The following MLXIP variants were observed in gnomAD, a reference collection of about 807,000 sequenced individuals.
MLXIP encodes the protein MLX interacting protein, also known as MLX-interacting protein.
Under a neutral mutation model 87.2 loss-of-function variants are expected in MLXIP, and 30 were observed. That is an observed-to-expected ratio of 0.34 (90% CI 0.26 to 0.47). The LOEUF is 0.47. Among genes scored for constraint, MLXIP ranks in the 20% least tolerant of loss-of-function variants. MLXIP has a pLI of 1.00. For missense variants in MLXIP, 1,002 were observed against 1,240.1 expected, an observed-to-expected ratio of 0.81 and a Z score of 2.88; for synonymous variants, 530 against 514.0, an observed-to-expected ratio of 1.03 and a Z score of -0.42.
chr12:122,123,420 C>T lies in MLXIP; in HGVS notation c.414-3836C>T, dbSNP rs145526637. On this transcript the variant is annotated intron_variant, in intron 1 of 16. Coordinates refer to ENST00000319080, the MANE Select transcript of MLXIP (RefSeq NM_014938.6). ...GATATTACCGAAACTCGGGGTGGAA[C>T]GGTGATCCCAGTTGGGAGTTCTGGT... Among the ~76,000 whole-genome samples, 725 of 152,214 alleles carry T rather than the reference C, an allele frequency of 4.8e-3. 5 individuals are homozygous for T. Among genetic ancestry groups the T allele is most frequent in the African/African-American group, 0.017 (704 of 41,542 alleles).
chr12:122,135,397 C>A lies in MLXIP; in HGVS notation c.1854+52C>A. 6.2e-7 allele frequency: 1 copy of A among 1,600,852 alleles called. No individual in the cohort carries two copies. The highest frequency in any genetic ancestry group is 1.1e-5 in the South Asian group (1 of 89,116). On this transcript the variant is annotated intron_variant, in intron 10 of 16. Transcript: ENST00000319080. The surrounding 1 kb of genome is among the most constrained non-coding windows in gnomAD (Gnocchi z 5.3). The stretch of plus-strand genomic sequence containing the variant: ...AGTGTCCTTCTCACCCCGGAGCACT[C>A]TGATCTTGGGCGGCCCTCACCTGAG...
chr12:122,128,038 C>A, intron 3 of MLXIP, 70 bp downstream of exon 3: 3 of 1,346,652 alleles, frequency 2.2e-6, no homozygotes, highest in South Asian at 1.2e-5. Context: ...TGGCTCACCG[C>A]GGGCTGGTCC....
rs1488098783 is a variant in MLXIP, at chr12:122,135,594, C to T, written c.1960C>T (p.Gln654Ter). ...CTCCCGGCTCTTCCCAAGCACAGCGCAAGACCCCCTGGGGAAGGGCGAGCA... is the reference window on the plus strand; with the variant it reads ...CTCCCGGCTCTTCCCAAGCACAGCGTAAGACCCCCTGGGGAAGGGCGAGCA... The part of the protein sequence containing the change: ...PVSRLFPSTA[Q>*]DPLGKGEQVP... Residue 654 changes from glutamine (Q) to a stop codon, truncating the protein, a stop_gained, in exon 11 of 17, where the codon CAA becomes TAA. Coordinates refer to ENST00000319080, the MANE Select transcript of MLXIP (RefSeq NM_014938.6). LOFTEE classifies it high-confidence loss of function. The surrounding 1 kb of genome is among the most constrained non-coding windows in gnomAD (Gnocchi z 5.3). 1 of 1,587,600 alleles carries T rather than the reference C, an allele frequency of 6.3e-7. No homozygotes were observed. The highest frequency in any genetic ancestry group is 8.6e-7 in the Non-Finnish European group (1 of 1,168,224).
At position 122,078,833 on chromosome 12, in the gene MLXIP, GC is replaced by G. The variant is rs1176167584; in HGVS notation, c.-16del. 1.3e-5 allele frequency: 14 copies of G among 1,055,286 alleles called. No homozygotes were observed. The highest frequency in any genetic ancestry group is 4.2e-5 in the South Asian group (1 of 24,066). 65.4% of individuals were successfully genotyped at this position (1,055,286 alleles called of 1,614,324 possible). On this transcript the variant is annotated 5_prime_UTR_variant, in exon 1 of 17. Transcript: ENST00000319080. ...CGCGTTGCCCCGGGCTCCGGGGGATGCCCCCGGCCGAGCCCTTCTCATGGCC... is the reference window on the plus strand; with the variant it reads ...CGCGTTGCCCCGGGCTCCGGGGGATGCCCCGGCCGAGCCCTTCTCATGGCC...
chr12:122,097,852 T>G (rs373281699), intron 1 of MLXIP, among the ~76,000 whole-genome samples: 8 of 151,004 alleles, frequency 5.3e-5, no homozygotes, highest in South Asian at 2.1e-4. Flanking sequence ...GGGTTCCCCC[T>G]CCCCACAAGA....
chr12:122,113,435 T>G (rs943446809), intron 1 of MLXIP, among the ~76,000 whole-genome samples: 3 of 151,172 alleles, frequency 2.0e-5, no homozygotes, highest in African/African-American at 7.3e-5. Context: ...ACCTGGCTAA[T>G]TTTTGTATCT....
At chr12:122,090,504 A>AAAAC (rs1952230528) in intron 1 of MLXIP, among the ~76,000 whole-genome samples, 1 of 152,092 alleles carries the variant, frequency 6.6e-6, no homozygotes, top group East Asian at 1.9e-4. Flanking sequence ...CTCAAAAAAA[A>AAAAC]AAAACAAAAC....
rs1953122568 is a variant in MLXIP at position 122,137,885 on chromosome 12, C to T, written c.2154+295C>T. On this transcript the variant is annotated intron_variant, in intron 12 of 16. Coordinates refer to ENST00000319080, the MANE Select transcript of MLXIP (RefSeq NM_014938.6). This position sits in a 1 kb window ranked among gnomAD's most constrained non-coding sequence, Gnocchi z 4.1. Reference sequence around the variant, plus strand: ...GTTGCAGGAGGGGTGTGGCCACCACCAGAGCTGTGCTGTGGGGAGGAGGCA... The same window carrying T: ...GTTGCAGGAGGGGTGTGGCCACCACTAGAGCTGTGCTGTGGGGAGGAGGCA... Among the ~76,000 whole-genome samples the T allele has an allele frequency of 6.6e-6, 1 of 152,218 alleles. No homozygotes were observed. The highest frequency in any genetic ancestry group is 1.5e-5 in the Non-Finnish European group (1 of 68,034).
intron 1 of MLXIP, among the ~76,000 whole-genome samples, chr12:122,097,115 G>C (rs1393875445): frequency 2.0e-5 from 3 of 152,222 alleles, no homozygotes; most frequent in African/African-American, 7.2e-5. Flanking sequence ...TGCATTGTCA[G>C]AAGAGTGCTC....
chr12:122,098,368 A>G (rs1186783039), intron 1 of MLXIP, among the ~76,000 whole-genome samples: 2 of 152,128 alleles, frequency 1.3e-5, no homozygotes, highest in African/African-American at 4.8e-5. Flanking sequence ...CCGCTGAGCA[A>G]CTCAGATTGA....
Position 122,133,846 on chromosome 12 carries a change from C to A in MLXIP, c.1591C>A (p.Pro531Thr). The change falls in exon 9 of 17, where the codon CCT becomes ACT. Residue 531 changes from proline to threonine, a missense_variant. This residue lies in a region of MLXIP where 746 missense variants were observed against 897.0 expected (regional missense o/e 0.83). Transcript: ENST00000319080. This position sits in a 1 kb window ranked among gnomAD's most constrained non-coding sequence, Gnocchi z 4.9. ...GCTGGCACTGTCTCCTGTCACCCGG[C>A]CTCCCCAGCCACGGTTAACTTTTGT... The part of the protein sequence containing the change: ...CGLALSPVTR[P>T]PQPRLTFVHP... 6.2e-7 allele frequency: 1 copy of A among 1,612,952 alleles called. No homozygotes were observed. Among genetic ancestry groups the A allele is most frequent in the East Asian group, 2.2e-5 (1 of 44,842 alleles).
At position 122,133,582 on chromosome 12, in the gene MLXIP, C is replaced by G; in HGVS notation, c.1327C>G (p.Pro443Ala). 1 of 1,606,790 alleles carries G rather than the reference C, an allele frequency of 6.2e-7. No homozygotes were observed. The highest frequency in any genetic ancestry group is 8.5e-7 in the Non-Finnish European group (1 of 1,176,890). Residue 443 changes from proline (P) to alanine (A), a missense_variant, in exon 9 of 17, where the codon CCA (proline) becomes GCA (alanine). Physicochemically the swap from Pro to Ala is conservative, Grantham distance 27. This residue lies in a region of MLXIP where 746 missense variants were observed against 897.0 expected (regional missense o/e 0.83). Coordinates refer to ENST00000319080, the MANE Select transcript of MLXIP (RefSeq NM_014938.6). This position sits in a 1 kb window ranked among gnomAD's most constrained non-coding sequence, Gnocchi z 4.9. ...GCCCCTGCTGTCTCCCAGCCCCGCC[C>G]CACCGCCCATCTCCCCCGTGTTACC... ...TMPLLSPSPA[P>A]PPISPVLPLV...
chr12:122,122,619 G>T (rs943318401), intron 1 of MLXIP, among the ~76,000 whole-genome samples: 2 of 151,786 alleles, frequency 1.3e-5, no homozygotes, highest in African/African-American at 4.8e-5. Flanking sequence ...TCGGCTCACT[G>T]TACTCTCCGC....
chr12:122,108,584 C>T (rs1952557621), intron 1 of MLXIP, among the ~76,000 whole-genome samples: 1 of 152,030 alleles, frequency 6.6e-6, no homozygotes, highest in South Asian at 2.1e-4. Context: ...TCGACTCCTC[C>T]CCACCTCTAA....
intron 4 of MLXIP, 37 bp from the exon 5 acceptor site, chr12:122,129,551 C>T (rs1383308649): frequency 6.2e-7 from 1 of 1,611,350 alleles, no homozygotes; most frequent in African/African-American, 1.3e-5. Flanking sequence ...CTCCTAGGGC[C>T]ATTGGTGACC....
intron 1 of MLXIP, among the ~76,000 whole-genome samples, chr12:122,090,522 A>G (rs959418072): frequency 6.6e-6 from 1 of 151,974 alleles, no homozygotes; most frequent in Admixed American, 6.6e-5. Flanking sequence ...AACAAAACAC[A>G]TAACAAAATA....
In MLXIP at chr12:122,135,525, G is replaced by A. The variant is rs747992247; in HGVS notation, c.1891G>A (p.Val631Met). Residue 631 changes from valine (V) to methionine (M), a missense_variant, in exon 11 of 17, where the codon GTG (valine) becomes ATG (methionine). This residue lies in a region of MLXIP where 746 missense variants were observed against 897.0 expected (regional missense o/e 0.83). Transcript: ENST00000319080. The surrounding 1 kb of genome is among the most constrained non-coding windows in gnomAD (Gnocchi z 5.3). ...CCCGGAGTTCCACAGCAGCATCCTG[G>A]TGACAGATCTCGGCCATGGCACGAG... ...GVPEFHSSIL[V>M]TDLGHGTSSP... 6.2e-7 allele frequency: 1 copy of A among 1,608,852 alleles called. No individual in the cohort carries two copies. Among genetic ancestry groups the A allele is most frequent in the Non-Finnish European group, 8.5e-7 (1 of 1,178,172 alleles).
chr12:122,131,569 C>G (rs1194080523), intron 7 of MLXIP, among the ~76,000 whole-genome samples: 1 of 151,052 alleles, frequency 6.6e-6, no homozygotes. Flanking sequence ...CCCACCTCAG[C>G]CTCCTGAGTA....
At chr12:122,092,569 G>A (rs957876079) in intron 1 of MLXIP, among the ~76,000 whole-genome samples, 6 of 152,150 alleles carry the variant, frequency 3.9e-5, no homozygotes, top group Non-Finnish European at 5.9e-5. Flanking sequence ...TGAGGAGCTG[G>A]GGTGATGATT....
Sources: allele counts gnomAD v4.1 joint callset (sites outside exome capture counted in the v4.1 genomes callset), GRCh38; gene constraint gnomAD v4.1.1; regional missense constraint gnomAD v4.1.1; non-coding constraint Gnocchi (gnomAD v3.1); transcripts MANE v1.5; gene names NCBI Gene and HGNC (gene_info 2026-07-23, HGNC 2026-07-21).